SLC25A17: variants seen among roughly 807,000 people sequenced by gnomAD.
The protein encoded by SLC25A17 is solute carrier family 25 member 17.
A neutral mutation model predicts 38.5 loss-of-function variants in SLC25A17; 26 were observed. The ratio of observed to expected loss-of-function variants is 0.68; its 90% CI spans 0.50 to 0.94. The LOEUF (loss-of-function observed/expected upper bound fraction) is 0.94, where lower values mean the gene tolerates loss of function less well. SLC25A17 is among the 40% of genes least tolerant of loss of function. The probability of loss-of-function intolerance (pLI) is 0.00; values close to 1 mark genes in which losing one functional copy is unlikely to be tolerated. For missense variants in SLC25A17, 333 were observed against 372.7 expected (o/e 0.89, Z 0.88); for synonymous variants, 139 against 136.2 (o/e 1.02, Z -0.14).
At chr22:40,819,122 A>C (rs1335569214) in intron 1 of SLC25A17, 73 bp downstream of exon 1, 6 of 1,511,926 alleles carry the variant, frequency 4.0e-6, no homozygotes, top group Non-Finnish European at 4.6e-6. Flanking sequence ...CCCATCCCTC[A>C]GGCATATCCC....
At chr22:40,800,666 GAGTACT>G (rs1208060723) in intron 1 of SLC25A17, among the ~76,000 whole-genome samples, 4 of 151,944 alleles carry the variant, frequency 2.6e-5, no homozygotes, top group Non-Finnish European at 5.9e-5. Flanking sequence ...CAAAGTGCAG[GAGTACT>G]AGGTGTGAGC....
At chr22:40,783,055 A>G (rs2145658888) in intron 4 of SLC25A17, among the ~76,000 whole-genome samples, 1 of 152,332 alleles carries the variant, frequency 6.6e-6, no homozygotes, top group African/African-American at 2.4e-5. Context: ...GAAAGCTGTT[A>G]TAATTATTAT....
intron 5 of SLC25A17, 143 bp from the exon 6 acceptor site, chr22:40,777,516 G>A (rs2057257186): frequency 5.2e-6 from 5 of 962,026 alleles, no homozygotes; most frequent in Middle Eastern, 6.6e-4. Flanking sequence ...GGTTGCAATG[G>A]CTCACGCCTG....
At chr22:40,796,592 C>T (rs1045980310) in intron 2 of SLC25A17, among the ~76,000 whole-genome samples, 1 of 150,966 alleles carries the variant, frequency 6.6e-6, no homozygotes, top group African/African-American at 2.5e-5. Context: ...TGCACTCCAA[C>T]CTGGGTAAGA....
At chr22:40,781,012 A>AG (rs1359878362) in intron 4 of SLC25A17, among the ~76,000 whole-genome samples, 1 of 151,980 alleles carries the variant, frequency 6.6e-6, no homozygotes, top group African/African-American at 2.4e-5. Flanking sequence ...TCTAAAAAAA[A>AG]TATTAAAAAT....
chr22:40,814,774 TATATATATATATATA>T (rs1568990902), intron 1 of SLC25A17, among the ~76,000 whole-genome samples: 1 of 146,290 alleles, frequency 6.8e-6, no homozygotes, highest in Non-Finnish European at 1.5e-5. Context: ...TATATATATA[TATATATATATATATA>T]TTGTTGTTGT....
At position 40,770,329 on chromosome 22, in the gene SLC25A17, A is replaced by T. The variant is rs1411332672; in HGVS notation, c.*505T>A. 6.6e-6 allele frequency: 1 copy of T among 152,224 alleles called. No individual in the cohort carries two copies. Among genetic ancestry groups the T allele is most frequent in the African/African-American group, 2.4e-5 (1 of 41,470 alleles). 9.4% of individuals were successfully genotyped at this position (152,224 alleles called of 1,614,324 possible). A position where few individuals can be genotyped will look rare whatever the true frequency, so the allele number is the denominator to read the frequency against. On this transcript the variant is annotated 3_prime_UTR_variant, in exon 9 of 9. Coordinates refer to ENST00000435456, the MANE Select transcript of SLC25A17 (RefSeq NM_006358.4). Reference sequence around the variant, plus strand: ...ACCTCTCCTTAAGCAGGGAAAAAAAAGCCCAACAAAAATAAAGTCATGCCC... The same window carrying T: ...ACCTCTCCTTAAGCAGGGAAAAAAATGCCCAACAAAAATAAAGTCATGCCC...
At chr22:40,804,324 G>A (rs1222971064) in intron 1 of SLC25A17, among the ~76,000 whole-genome samples, 1 of 152,118 alleles carries the variant, frequency 6.6e-6, no homozygotes, top group African/African-American at 2.4e-5. Flanking sequence ...GTACCTAGAT[G>A]TGCAAGGTCA....
chr22:40,771,089 A>G (rs2057178477), intron 8 of SLC25A17, 108 bp from the exon 9 acceptor site: 3 of 959,674 alleles, frequency 3.1e-6, no homozygotes, highest in Non-Finnish European at 2.9e-6. Flanking sequence ...TTAGATTTCA[A>G]CACAGACTTC....
rs533291032 is a variant in SLC25A17 at position 40,769,899 on chromosome 22, C to G, written c.*935G>C. The G allele has an allele frequency of 6.6e-6, 1 of 152,138 alleles. No individual in the cohort carries two copies. The highest frequency in any genetic ancestry group is 6.6e-5 in the Admixed American group (1 of 15,264). 9.4% of individuals were successfully genotyped at this position (152,138 alleles called of 1,614,324 possible). A position where few individuals can be genotyped will look rare whatever the true frequency, so the allele number is the denominator to read the frequency against. ...AGCAACAGGACTCTAAGGAAGGTTT[C>G]CAAATGAAATAACCTCAACCAGATG... On this transcript the variant is annotated 3_prime_UTR_variant, in exon 9 of 9. Coordinates refer to ENST00000435456, the MANE Select transcript of SLC25A17 (RefSeq NM_006358.4).
chr22:40,791,881 T>C (rs958341719), intron 4 of SLC25A17, among the ~76,000 whole-genome samples: 10 of 152,172 alleles, frequency 6.6e-5, no homozygotes, highest in African/African-American at 2.4e-4. Context: ...ATCCCACTTC[T>C]GGGTATATAT....
At chr22:40,785,380 T>C (rs548079064) in intron 4 of SLC25A17, among the ~76,000 whole-genome samples, 2 of 152,264 alleles carry the variant, frequency 1.3e-5, no homozygotes, top group South Asian at 4.1e-4. Context: ...TGAGACTCCT[T>C]CTCAAAAAAC....
In SLC25A17 at chr22:40,773,961, A is replaced by G. The variant is rs2057213983; in HGVS notation, c.752T>C (p.Leu251Pro). 1.2e-6 allele frequency: 2 copies of G among 1,612,026 alleles called. No homozygotes were observed. The highest frequency in any genetic ancestry group is 4.5e-5 in the East Asian group (2 of 44,872). Residue 251 changes from leucine (L) to proline (P), a missense_variant, in exon 8 of 9, where the codon CTC (leucine) becomes CCC (proline). Coordinates refer to ENST00000435456, the MANE Select transcript of SLC25A17 (RefSeq NM_006358.4). ...CCTTACTCGTTGGTGAAGAAGATAG[A>G]GAATATTCCGAAGACTTCCCAATGT... ...NRTLGSLRNI[L>P]YLLHQRVRRF...
intron 5 of SLC25A17, among the ~76,000 whole-genome samples, chr22:40,778,259 G>A (rs188206077): frequency 1.2e-4 from 18 of 152,314 alleles, no homozygotes; most frequent in African/African-American, 4.3e-4. Context: ...TACTCTTTGG[G>A]AGCAGCATAC....
chr22:40,814,036 G>A (rs1413449943), intron 1 of SLC25A17: 2 of 152,210 alleles, frequency 1.3e-5, no homozygotes, highest in Non-Finnish European at 2.9e-5. Flanking sequence ...GTCAGTAGAT[G>A]TATAGAGCAC....
At chr22:40,793,982 G>C (rs982472531) in intron 3 of SLC25A17, among the ~76,000 whole-genome samples, 1 of 152,174 alleles carries the variant, frequency 6.6e-6, no homozygotes, top group African/African-American at 2.4e-5. Context: ...AAATTTGTGT[G>C]TGGTGTGTGT....
intron 4 of SLC25A17, among the ~76,000 whole-genome samples, chr22:40,783,783 G>A (rs2057313773): frequency 6.6e-6 from 1 of 151,992 alleles, no homozygotes; most frequent in Non-Finnish European, 1.5e-5. Flanking sequence ...TCCGCTCACT[G>A]CAACCTCCGC....
intron 7 of SLC25A17, chr22:40,776,193 T>C (rs1414585927): frequency 1.1e-5 from 4 of 373,268 alleles, no homozygotes; most frequent in Non-Finnish European, 1.6e-5. Context: ...TGTTTACCTG[T>C]TCATTCTCTC....
intron 1 of SLC25A17, among the ~76,000 whole-genome samples, chr22:40,800,669 T>C (rs2057472610): frequency 1.3e-5 from 2 of 151,722 alleles, no homozygotes; most frequent in Admixed American, 1.3e-4. Flanking sequence ...AGTGCAGGAG[T>C]ACTAGGTGTG....
Sources: allele counts gnomAD v4.1 joint callset (sites outside exome capture counted in the v4.1 genomes callset), GRCh38; gene constraint gnomAD v4.1.1; transcripts MANE v1.5; gene names NCBI Gene and HGNC (gene_info 2026-07-23, HGNC 2026-07-21).